The following DLGAP2 variants were observed in gnomAD, a reference collection of about 807,000 sequenced individuals.
DLGAP2 encodes DLG associated protein 2.
A neutral mutation model predicts 100.3 loss-of-function variants in DLGAP2; 26 were observed. That is an observed-to-expected ratio of 0.26 (90% CI 0.19 to 0.36). DLGAP2 has a LOEUF of 0.36. Ranked by LOEUF, DLGAP2 falls within the 10% of genes least tolerant of loss-of-function variation. The pLI, the probability that DLGAP2 is intolerant of heterozygous loss-of-function variation, is 1.00. For synonymous variants in DLGAP2, 886 were observed against 630.1 expected (o/e 1.41, Z -6.08); for missense variants, 1,858 against 1,453.2 (o/e 1.28, Z -4.53).
chr8:1,619,522 G>A (rs372289707), intron 6 of DLGAP2, among the ~76,000 whole-genome samples: 19 of 152,118 alleles, frequency 1.2e-4, no homozygotes, highest in African/African-American at 4.3e-4. Flanking sequence ...GTTCTTTTAA[G>A]AAAAATTTAA....
intron 3 of DLGAP2, among the ~76,000 whole-genome samples, chr8:1,321,855 T>C (rs1305953412): frequency 6.6e-6 from 1 of 152,214 alleles, no homozygotes; most frequent in African/African-American, 2.4e-5. Context: ...GTTCCTTTCT[T>C]TGTTTCCAAT....
Position 946,454 on chromosome 8 carries a change from G to A in DLGAP2, c.73+38488G>A, listed in dbSNP as rs189832774. 9.6e-3 allele frequency among the ~76,000 whole-genome samples: 1,465 copies of A among 151,856 alleles called. 15 individuals are homozygous for A. The highest frequency in any genetic ancestry group is 0.015 in the Non-Finnish European group (1,007 of 67,934). On this transcript the variant is annotated intron_variant, in intron 2 of 14. Transcript: ENST00000637795. The stretch of plus-strand genomic sequence containing the variant: ...AATTTTTTGTAGTTTTTGTAGAGAC[G>A]GGGTTTCACCATATTAGCCAGGATG...
intron 3 of DLGAP2, among the ~76,000 whole-genome samples, chr8:1,321,659 C>T (rs1309224858): frequency 2.0e-5 from 3 of 152,194 alleles, no homozygotes; most frequent in Non-Finnish European, 4.4e-5. Flanking sequence ...AATTGAAGCT[C>T]TTATCAGGAT....
intron 3 of DLGAP2, among the ~76,000 whole-genome samples, chr8:1,433,138 A>G (rs897043408): frequency 1.3e-5 from 2 of 152,144 alleles, no homozygotes; most frequent in Non-Finnish European, 2.9e-5. Context: ...CAGGGGAGGA[A>G]GCCCCCGCCA....
intron 6 of DLGAP2, among the ~76,000 whole-genome samples, chr8:1,578,022 A>G (rs1220234236): frequency 6.6e-6 from 1 of 152,250 alleles, no homozygotes; most frequent in Non-Finnish European, 1.5e-5. Context: ...TTTATCTTAT[A>G]CCCAAAGTCT....
intron 2 of DLGAP2, among the ~76,000 whole-genome samples, chr8:1,132,793 T>G (rs1011938080): frequency 6.6e-6 from 1 of 152,208 alleles, no homozygotes; most frequent in African/African-American, 2.4e-5. Context: ...ACACATTGGT[T>G]TAAGCTTAGA....
chr8:1,628,568 G>C (rs1448227519), intron 7 of DLGAP2, among the ~76,000 whole-genome samples: 1 of 151,154 alleles, frequency 6.6e-6, no homozygotes, highest in Non-Finnish European at 1.5e-5. Flanking sequence ...CAGGGATTAA[G>C]AGCTTGAGCC....
At chr8:1,097,046 A>C (rs113548603) in intron 2 of DLGAP2, among the ~76,000 whole-genome samples, 12,554 of 48,380 alleles carry the variant, frequency 0.26, 60 homozygotes, top group African/African-American at 0.3. Context: ...CCTTCACCCT[A>C]TGTGGCATGG....
chr8:965,891 AC>A (rs1799858503), intron 2 of DLGAP2, among the ~76,000 whole-genome samples: 3 of 152,080 alleles, frequency 2.0e-5, no homozygotes, highest in East Asian at 1.9e-4. Context: ...GCTGTTCACC[AC>A]CGCATGTGGC....
chr8:1,003,371 A>G (rs958119907), intron 2 of DLGAP2: 2 of 152,256 alleles, frequency 1.3e-5, no homozygotes, highest in Non-Finnish European at 2.9e-5. Flanking sequence ...CATGCATCGC[A>G]TCACCCATCA....
chr8:1,585,034 C>A (rs887775051), intron 6 of DLGAP2, among the ~76,000 whole-genome samples: 1 of 99,276 alleles, frequency 1.0e-5, no homozygotes, highest in Non-Finnish European at 2.0e-5. Flanking sequence ...TTGTGCTTTA[C>A]TTATTCTTTT....
intron 1 of DLGAP2, among the ~76,000 whole-genome samples, chr8:759,790 T>C (rs1217829801): frequency 6.6e-6 from 1 of 152,216 alleles, no homozygotes; most frequent in African/African-American, 2.4e-5. Flanking sequence ...CCTCTCTCGA[T>C]AGAATTGAAA....
At chr8:1,119,872 C>A (rs1314005069) in intron 2 of DLGAP2, among the ~76,000 whole-genome samples, 1 of 152,172 alleles carries the variant, frequency 6.6e-6, no homozygotes, top group Non-Finnish European at 1.5e-5. Flanking sequence ...TGGGGTCCAG[C>A]ACCCTAGCTT....
intron 3 of DLGAP2, among the ~76,000 whole-genome samples, chr8:1,389,114 G>A (rs1473554056): frequency 6.6e-6 from 1 of 152,194 alleles, no homozygotes; most frequent in Admixed American, 6.5e-5. Context: ...GAGAGCAGAG[G>A]CTGCAGGTGG....
At position 1,489,306 on chromosome 8, in the gene DLGAP2, G is replaced by T. The variant is rs148246955; in HGVS notation, c.107-12060G>T. On this transcript the variant is annotated intron_variant, in intron 3 of 14. Transcript: ENST00000637795. ...CTTCCTCACTGTCTGTGAGTCTCCT[G>T]CAAGAGGCACCATGCGTGGATGGCA... Among the ~76,000 whole-genome samples, 30 of 152,342 alleles carry T rather than the reference G, an allele frequency of 2.0e-4. No homozygotes were observed. In the East Asian group the frequency reaches 5.2e-3, roughly 26 times the overall value.
In DLGAP2 at chr8:1,491,534, T is replaced by A. The variant is rs141982582; in HGVS notation, c.107-9832T>A. Among the ~76,000 whole-genome samples, 166 of 152,362 alleles carry A rather than the reference T, an allele frequency of 1.1e-3. 1 individual carries two copies. The highest frequency in any genetic ancestry group is 3.9e-3 in the African/African-American group (163 of 41,584). On this transcript the variant is annotated intron_variant, in intron 3 of 14. Coordinates refer to ENST00000637795, the MANE Select transcript of DLGAP2 (RefSeq NM_001346810.2). ...CTTCACTCTGTCTTTAAAGTAGTGTTTCCTGGGTAAGCATGGTGGACATAT... is the reference window on the plus strand; with the variant it reads ...CTTCACTCTGTCTTTAAAGTAGTGTATCCTGGGTAAGCATGGTGGACATAT...
At chr8:927,006 G>C in intron 2 of DLGAP2, 1 of 985,258 alleles carries the variant, frequency 1.0e-6, no homozygotes, top group South Asian at 4.7e-5. Flanking sequence ...AGGACCCCCC[G>C]CCGAGAAAGA....
chr8:1,445,882 T>A (rs551031579), intron 3 of DLGAP2, among the ~76,000 whole-genome samples: 1 of 152,356 alleles, frequency 6.6e-6, no homozygotes, highest in South Asian at 2.1e-4. Context: ...GCTGCATAAA[T>A]GTCTTCTTTT....
intron 6 of DLGAP2, among the ~76,000 whole-genome samples, chr8:1,579,187 C>T (rs1046850573): frequency 6.6e-6 from 1 of 152,126 alleles, no homozygotes; most frequent in South Asian, 2.1e-4. Context: ...GTCTCTGGGT[C>T]ATTCTCTAAT....
Sources: allele counts gnomAD v4.1 joint callset (sites outside exome capture counted in the v4.1 genomes callset), GRCh38; gene constraint gnomAD v4.1.1; transcripts MANE v1.5; gene names NCBI Gene and HGNC (gene_info 2026-07-23, HGNC 2026-07-21).